Variants in NYAP2 observed in about 807,000 individuals in gnomAD.
NYAP2 encodes neuronal tyrosine-phosphorylated phosphoinositide-3-kinase adapter 2.
In NYAP2, 23 loss-of-function variants were observed where a neutral mutation model predicts 50.4. The observed-to-expected ratio is 0.46, with a 90% CI of 0.33 to 0.65. The LOEUF is 0.65. Ranked by LOEUF, NYAP2 falls within the 30% of genes least tolerant of loss-of-function variation. The pLI is 0.02. For synonymous variants in NYAP2, 394 were observed against 365.2 expected, an observed-to-expected ratio of 1.08 and a Z score of -0.90; for missense variants, 885 against 861.0, an observed-to-expected ratio of 1.03 and a Z score of -0.35.
intron 4 of NYAP2, among the ~76,000 whole-genome samples, chr2:225,563,842 G>GTTTAATT (rs1290453186): frequency 1.3e-5 from 2 of 152,056 alleles, no homozygotes; most frequent in Non-Finnish European, 2.9e-5. Context: ...ATGTGTTGAA[G>GTTTAATT]TTTAATTTTT....
At chr2:225,431,278 T>C (rs1399667887) in intron 3 of NYAP2, among the ~76,000 whole-genome samples, 2 of 152,258 alleles carry the variant, frequency 1.3e-5, no homozygotes, top group Non-Finnish European at 2.9e-5. Flanking sequence ...TATGCTGCTG[T>C]TGTAGAGAAA....
intron 4 of NYAP2, among the ~76,000 whole-genome samples, chr2:225,530,311 G>GCTA (rs1184758343): frequency 6.6e-6 from 1 of 152,074 alleles, no homozygotes; most frequent in African/African-American, 2.4e-5. Context: ...TGCTTAGCTG[G>GCTA]CTACTGAAAG....
At chr2:225,509,714 T>C (rs1690775774) in intron 3 of NYAP2, among the ~76,000 whole-genome samples, 1 of 152,168 alleles carries the variant, frequency 6.6e-6, no homozygotes, top group South Asian at 2.1e-4. Flanking sequence ...TTTAACTCTG[T>C]AGAGTCCAGA....
intron 6 of NYAP2, among the ~76,000 whole-genome samples, chr2:225,629,414 T>A (rs1278896361): frequency 2.6e-5 from 4 of 152,168 alleles, no homozygotes; most frequent in Non-Finnish European, 5.9e-5. Flanking sequence ...AGAAAAAATG[T>A]TTTACTAGCT....
chr2:225,656,924 G>A (rs939278538), downstream of NYAP2, among the ~76,000 whole-genome samples: 1 of 151,952 alleles, frequency 6.6e-6, no homozygotes, highest in Non-Finnish European at 1.5e-5. Context: ...TTTTGTTCCT[G>A]TTCTTCAGTC....
At chr2:225,648,310 A>G (rs965683934) in intron 6 of NYAP2, among the ~76,000 whole-genome samples, 4 of 152,092 alleles carry the variant, frequency 2.6e-5, no homozygotes, top group African/African-American at 9.7e-5. Flanking sequence ...CAAATAGTAT[A>G]TATTTTAGAA....
chr2:225,473,887 G>T (rs933677687), intron 3 of NYAP2, among the ~76,000 whole-genome samples: 1 of 152,146 alleles, frequency 6.6e-6, no homozygotes, highest in Admixed American at 6.5e-5. Context: ...CCTTGCCCAT[G>T]CCTATGTCCT....
chr2:225,501,254 A>T (rs1306703334), intron 3 of NYAP2, among the ~76,000 whole-genome samples: 1 of 152,174 alleles, frequency 6.6e-6, no homozygotes, highest in East Asian at 1.9e-4. Context: ...TAAGCATACA[A>T]TCTAGTCTCC....
At chr2:225,457,254 T>C (rs1689754083) in intron 3 of NYAP2, among the ~76,000 whole-genome samples, 1 of 152,214 alleles carries the variant, frequency 6.6e-6, no homozygotes, top group Admixed American at 6.5e-5. Flanking sequence ...GAATAGAATT[T>C]TATTACATAG....
chr2:225,440,543 G>C (rs1300395828), intron 3 of NYAP2, among the ~76,000 whole-genome samples: 1 of 152,102 alleles, frequency 6.6e-6, no homozygotes, highest in Non-Finnish European at 1.5e-5. Context: ...AATGTACGGA[G>C]GATTTCGTTA....
chr2:225,433,591 T>C (rs2106135488), intron 3 of NYAP2, among the ~76,000 whole-genome samples: 1 of 151,640 alleles, frequency 6.6e-6, no homozygotes, highest in Admixed American at 6.6e-5. Context: ...ATGAGTAGAG[T>C]AGGGAAGTTC....
rs1016180111 is a variant in NYAP2, at chr2:225,513,237, T to C, written c.222-134T>C. On this transcript the variant is annotated intron_variant, in intron 3 of 6. Coordinates refer to ENST00000636099, the Ensembl canonical transcript of NYAP2. ...AATGCTTTCATGCTACTTGAGTTTG[T>C]TTTAAAAGGCAGCATTTCACCGGAC... The C allele has an allele frequency of 3.7e-6, 3 of 807,198 alleles. No individual in the cohort carries two copies. In the African/African-American group the frequency reaches 5.2e-5, roughly 14 times the overall value. The allele number at this position is 807,198 out of a possible 1,614,324, so 50.0% of individuals were successfully genotyped here.
chr2:225,489,039 A>G (rs1440802619), intron 3 of NYAP2, among the ~76,000 whole-genome samples: 3 of 152,208 alleles, frequency 2.0e-5, no homozygotes, highest in African/African-American at 7.2e-5. Context: ...AAATGATTTC[A>G]TGACTGATGA....
chr2:225,581,372 T>C (rs1263850084), intron 4 of NYAP2, among the ~76,000 whole-genome samples: 6 of 152,234 alleles, frequency 3.9e-5, no homozygotes, highest in Admixed American at 3.9e-4. Context: ...TTCACATCAA[T>C]TTCCCCTGAA....
At chr2:225,454,693 C>T (rs59582370) in intron 3 of NYAP2, among the ~76,000 whole-genome samples, 1,737 of 152,170 alleles carry the variant, frequency 0.011, 37 homozygotes, top group African/African-American at 0.04. Flanking sequence ...ACTACGCATG[C>T]GAAGAATCTA....
At chr2:225,640,977 G>A (rs1362446735) in intron 6 of NYAP2, among the ~76,000 whole-genome samples, 1 of 152,132 alleles carries the variant, frequency 6.6e-6, no homozygotes, top group African/African-American at 2.4e-5. Flanking sequence ...AAACAATTAG[G>A]TAGAAACCAT....
chr2:225,564,574 G>C (rs1691930138), intron 4 of NYAP2, among the ~76,000 whole-genome samples: 1 of 151,448 alleles, frequency 6.6e-6, no homozygotes, highest in East Asian at 1.9e-4. Context: ...TTAAAATTGT[G>C]CACAAACAAA....
chr2:225,592,229 A>G (rs1403961839), intron 5 of NYAP2, among the ~76,000 whole-genome samples: 1 of 152,178 alleles, frequency 6.6e-6, no homozygotes. Flanking sequence ...CCATCCTGGG[A>G]TACAGGGCTT....
chr2:225,697,230 T>C, the NYAP2 span, among the ~76,000 whole-genome samples: 1 of 151,960 alleles, frequency 6.6e-6, no homozygotes, highest in African/African-American at 2.4e-5. Flanking sequence ...ACTTGTCCAG[T>C]AATATGTACA....
Sources: gnomAD v4.1 joint callset for allele counts (sites outside exome capture counted in the v4.1 genomes callset) on GRCh38, gnomAD v4.1.1 for gene constraint, MANE v1.5 for transcripts, NCBI Gene and HGNC (gene_info 2026-07-23, HGNC 2026-07-21) for gene names.